Variants in KSR2 observed in about 807,000 individuals in gnomAD.
KSR2 encodes kinase suppressor of ras 2.
KSR2 carries 25 observed loss-of-function variants against 107.8 expected under a neutral mutation model. The observed-to-expected ratio is 0.23, with a 90% CI of 0.17 to 0.32. The LOEUF is 0.32. KSR2 is among the 10% of genes least tolerant of loss of function. The pLI, the probability that KSR2 is intolerant of heterozygous loss-of-function variation, is 1.00. For synonymous variants in KSR2, 480 were observed against 507.0 expected (o/e 0.95, Z 0.71); for missense variants, 887 against 1,268.9 (o/e 0.70, Z 4.57).
chr12:117,468,834 T>G (rs1871280756), intron 19 of KSR2, among the ~76,000 whole-genome samples: 1 of 152,142 alleles, frequency 6.6e-6, no homozygotes. Flanking sequence ...TGGATGTGTG[T>G]GAGTATAGAT....
chr12:117,955,983 G>T (rs999330187), intron 1 of KSR2, among the ~76,000 whole-genome samples: 44 of 151,934 alleles, frequency 2.9e-4, no homozygotes, highest in African/African-American at 9.9e-4. Context: ...AGGCGCAGTG[G>T]TTCACGCCTG....
chr12:117,686,215 A>ATTTTTTTTTTT (rs55772468), intron 4 of KSR2, among the ~76,000 whole-genome samples: 23 of 78,036 alleles, frequency 2.9e-4, no homozygotes, highest in African/African-American at 8.2e-4. Flanking sequence ...CACCCAGCTA[A>ATTTTTTTTTTT]TTTTTTTTTT....
chr12:117,511,968 C>T (rs1161289523), intron 14 of KSR2, among the ~76,000 whole-genome samples: 1 of 152,290 alleles, frequency 6.6e-6, no homozygotes, highest in South Asian at 2.1e-4. Flanking sequence ...TTGATCCCTC[C>T]GATGACTCCG....
In KSR2 at chr12:117,710,671, T is replaced by C. The variant is rs545381980; in HGVS notation, c.987-43013A>G. The stretch of plus-strand genomic sequence containing the variant: ...TTCATCGGTGCCTTGAGAATAATCA[T>C]ATCCATGATCGTAAGAATTAAAGAA... On this transcript the variant is annotated intron_variant, in intron 4 of 19. Transcript: ENST00000339824. Among the ~76,000 whole-genome samples, 15 of 152,296 alleles carry C rather than the reference T, an allele frequency of 9.8e-5. No homozygotes were observed. In the South Asian group the frequency reaches 1.2e-3, roughly 13 times the overall value.
chr12:117,956,249 CAAAAAAAAAA>C (rs59662300), intron 1 of KSR2, among the ~76,000 whole-genome samples: 20 of 47,514 alleles, frequency 4.2e-4, no homozygotes, highest in Non-Finnish European at 6.7e-4. Flanking sequence ...GACTCTGTCT[CAAAAAAAAAA>C]AAAAAAAAAA....
chr12:117,747,367 C>T (rs1351846404), intron 4 of KSR2, among the ~76,000 whole-genome samples: 1 of 141,446 alleles, frequency 7.1e-6, no homozygotes, highest in African/African-American at 2.6e-5. Flanking sequence ...CTCACTCATA[C>T]GTGGGAGTTG....
intron 7 of KSR2, among the ~76,000 whole-genome samples, chr12:117,576,676 A>G (rs557251113): frequency 6.6e-6 from 1 of 150,762 alleles, no homozygotes; most frequent in African/African-American, 2.4e-5. Context: ...TTTTACCTTA[A>G]TTTATTTTGT....
In KSR2 at chr12:117,900,468, A is replaced by T. The variant is rs116958455; in HGVS notation, c.181-40037T>A. ...GATAGATGCCTCAAGGGAAAGGAGAATAAAACAGGAAAACAGACACAAAAT... is the reference window on the plus strand; with the variant it reads ...GATAGATGCCTCAAGGGAAAGGAGATTAAAACAGGAAAACAGACACAAAAT... On this transcript the variant is annotated intron_variant, in intron 1 of 19. Coordinates refer to ENST00000339824, the MANE Select transcript of KSR2 (RefSeq NM_173598.6). 6.3e-3 allele frequency among the ~76,000 whole-genome samples: 954 copies of T among 152,344 alleles called. 3 individuals are homozygous for T. The highest frequency in any genetic ancestry group is 8.0e-3 in the Non-Finnish European group (546 of 68,032).
At chr12:117,519,783 C>T (rs981681588) in intron 14 of KSR2, among the ~76,000 whole-genome samples, 17 of 150,652 alleles carry the variant, frequency 1.1e-4, no homozygotes, top group Admixed American at 4.0e-4. Flanking sequence ...TGTGTGTGTG[C>T]GTGTGTGTGT....
intron 18 of KSR2, 82 bp downstream of exon 18, chr12:117,471,108 CT>C: frequency 6.5e-7 from 1 of 1,545,072 alleles, no homozygotes; most frequent in Non-Finnish European, 8.8e-7. Flanking sequence ...CATTTGTAAC[CT>C]TAACACATAG....
At chr12:117,528,070 G>C (rs1378270923) in intron 12 of KSR2, among the ~76,000 whole-genome samples, 1 of 151,950 alleles carries the variant, frequency 6.6e-6, no homozygotes, top group African/African-American at 2.4e-5. Context: ...TGCTGGCGGG[G>C]CGTCACAATT....
rs192885241 is a variant in KSR2 at position 117,505,206 on chromosome 12, C to G, written c.2220-19515G>C. 7.9e-5 allele frequency among the ~76,000 whole-genome samples: 12 copies of G among 152,254 alleles called. No individual in the cohort carries two copies. In the East Asian group the frequency reaches 1.5e-3, roughly 20 times the overall value. ...CTTGGCAATTGTGAATTGGCCCGCA[C>G]CAGAATCCTGACCTTGTGTCAGTCC... On this transcript the variant is annotated intron_variant, in intron 14 of 19. Coordinates refer to ENST00000339824, the MANE Select transcript of KSR2 (RefSeq NM_173598.6).
At chr12:117,698,094 G>C (rs1886146576) in intron 4 of KSR2, among the ~76,000 whole-genome samples, 1 of 152,134 alleles carries the variant, frequency 6.6e-6, no homozygotes, top group African/African-American at 2.4e-5. Context: ...AAGAAGCGTA[G>C]GACAGATTCT....
chr12:117,798,709 CAAA>C (rs749755380), intron 3 of KSR2, among the ~76,000 whole-genome samples: 1 of 117,078 alleles, frequency 8.5e-6, no homozygotes, highest in African/African-American at 2.9e-5. Context: ...GCAAAAAGTC[CAAA>C]AAAAAAAAAT....
intron 1 of KSR2, among the ~76,000 whole-genome samples, chr12:117,872,081 T>C (rs1336429498): frequency 6.6e-6 from 1 of 152,238 alleles, no homozygotes; most frequent in Non-Finnish European, 1.5e-5. Flanking sequence ...TAAATAAGTA[T>C]GACAGGCATT....
Position 117,471,651 on chromosome 12 carries a change from A to C in KSR2, c.2583-331T>G, listed in dbSNP as rs935296900. 2.6e-5 allele frequency among the ~76,000 whole-genome samples: 4 copies of C among 152,184 alleles called. 1 individual carries two copies. The highest frequency in any genetic ancestry group is 2.9e-5 in the Non-Finnish European group (2 of 68,036). On this transcript the variant is annotated intron_variant, in intron 17 of 19. Transcript: ENST00000339824. The stretch of plus-strand genomic sequence containing the variant: ...ATTTATTTATAAGGATATTCTCTAA[A>C]GCACTATATATAATATTGAAAAAAA...
chr12:117,634,270 G>A (rs1459793697), intron 5 of KSR2, among the ~76,000 whole-genome samples: 1 of 152,164 alleles, frequency 6.6e-6, no homozygotes, highest in Admixed American at 6.5e-5. Context: ...GCCTCGTTTA[G>A]AGGAAAACTA....
Position 117,517,211 on chromosome 12 carries a change from C to T in KSR2, c.2219+7641G>A, listed in dbSNP as rs528314919. On this transcript the variant is annotated intron_variant, in intron 14 of 19. Transcript: ENST00000339824. ...ATGGACAAGAAATAAACTTATATTGCGTTAAACCACGTCATGTTTTAAGAC... is the reference window on the plus strand; with the variant it reads ...ATGGACAAGAAATAAACTTATATTGTGTTAAACCACGTCATGTTTTAAGAC... 1.2e-4 allele frequency among the ~76,000 whole-genome samples: 18 copies of T among 152,306 alleles called. No individual in the cohort carries two copies. In the South Asian group the frequency reaches 2.5e-3, roughly 21 times the overall value.
chr12:117,603,542 G>A (rs937595519), intron 5 of KSR2, among the ~76,000 whole-genome samples: 9 of 152,244 alleles, frequency 5.9e-5, no homozygotes, highest in South Asian at 4.1e-4. Flanking sequence ...CTCTAAATCC[G>A]TTGGTCATAG....
Sources: gnomAD v4.1 joint callset for allele counts (sites outside exome capture counted in the v4.1 genomes callset) on GRCh38, gnomAD v4.1.1 for gene constraint, MANE v1.5 for transcripts, NCBI Gene and HGNC (gene_info 2026-07-23, HGNC 2026-07-21) for gene names.